CHID1: variants seen among roughly 807,000 people sequenced by gnomAD.
CHID1 encodes chitinase domain containing 1.
CHID1 carries 44 observed loss-of-function variants against 55.4 expected under a neutral mutation model. The observed-to-expected ratio is 0.79, with a 90% CI of 0.62 to 1.02. CHID1 has a LOEUF of 1.02. Ranked by LOEUF, CHID1 falls within the 50% of genes least tolerant of loss-of-function variation. The pLI, the probability that CHID1 is intolerant of heterozygous loss-of-function variation, is 0.00. For synonymous variants in CHID1, 216 were observed against 212.9 expected (o/e 1.01, Z -0.13); for missense variants, 491 against 515.3 (o/e 0.95, Z 0.46).
At chr11:870,726 G>A (rs1376614424) in intron 10 of CHID1, 9 of 522,990 alleles carry the variant, frequency 1.7e-5, no homozygotes, top group Non-Finnish European at 2.1e-5. Context: ...TTCCTCGGAA[G>A]AAGCCACCCC....
At chr11:892,959 G>C (rs1018076720) in intron 8 of CHID1, among the ~76,000 whole-genome samples, 2 of 152,220 alleles carry the variant, frequency 1.3e-5, no homozygotes, top group Admixed American at 1.3e-4. Flanking sequence ...TGGGTTTGGG[G>C]GTGCACCCAA....
chr11:896,196 GCACCCCCAGCC>G, intron 7 of CHID1, among the ~76,000 whole-genome samples: 1 of 131,026 alleles, frequency 7.6e-6, no homozygotes, highest in African/African-American at 3.1e-5. Context: ...GGCTGTCTCA[GCACCCCCAGCC>G]TCCACCCCAG....
At chr11:908,843 T>G (rs987691594) in intron 1 of CHID1, among the ~76,000 whole-genome samples, 1 of 151,968 alleles carries the variant, frequency 6.6e-6, no homozygotes, top group African/African-American at 2.4e-5. Context: ...GCCTATGACC[T>G]CCCTGCCCCC....
intron 10 of CHID1, among the ~76,000 whole-genome samples, chr11:873,517 G>C (rs1849308339): frequency 6.6e-6 from 1 of 152,134 alleles, no homozygotes; most frequent in Non-Finnish European, 1.5e-5. Flanking sequence ...GGGCCACAGA[G>C]AGGGCAGGGG....
Position 876,148 on chromosome 11 carries a change from G to T in CHID1, c.960-5649C>A, listed in dbSNP as rs148628888. 2.7e-3 allele frequency among the ~76,000 whole-genome samples: 412 copies of T among 152,264 alleles called. 3 individuals carry two copies. The highest frequency in any genetic ancestry group is 9.6e-3 in the African/African-American group (398 of 41,524). ...ATGTCGCCAGAGCTCAGCAGGAGCC[G>T]GCACAGGTGCAAGGACAGATAAGCC... On this transcript the variant is annotated intron_variant, in intron 10 of 12. Coordinates refer to ENST00000323578, the MANE Select transcript of CHID1 (RefSeq NM_023947.4).
Position 876,148 on chromosome 11 carries a change from G to C in CHID1, c.960-5649C>G, listed in dbSNP as rs148628888. 1.3e-5 allele frequency among the ~76,000 whole-genome samples: 2 copies of C among 152,148 alleles called. 1 individual carries two copies. Among genetic ancestry groups the C allele is most frequent in the South Asian group, 4.1e-4 (2 of 4,832 alleles). ...ATGTCGCCAGAGCTCAGCAGGAGCC[G>C]GCACAGGTGCAAGGACAGATAAGCC... On this transcript the variant is annotated intron_variant, in intron 10 of 12. Transcript: ENST00000323578.
At position 869,698 on chromosome 11, in the gene CHID1, C is replaced by G; in HGVS notation, c.*160G>C. ...TAGGACTCATCCAGGGCAGGGACCC[C>G]TCATGGGAGGATGGGGAGTCACATG... On this transcript the variant is annotated 3_prime_UTR_variant, in exon 13 of 13. Coordinates refer to ENST00000323578, the MANE Select transcript of CHID1 (RefSeq NM_023947.4). 1.5e-6 allele frequency: 1 copy of G among 673,202 alleles called. No homozygotes were observed. The highest frequency in any genetic ancestry group is 2.6e-6 in the Non-Finnish European group (1 of 382,596). The allele number at this position is 673,202 out of a possible 1,614,324, so 41.7% of individuals were successfully genotyped here.
At chr11:912,526 A>G (rs910743461), upstream of CHID1, among the ~76,000 whole-genome samples, 1 of 151,972 alleles carries the variant, frequency 6.6e-6, no homozygotes, top group South Asian at 2.1e-4. Context: ...GTTTGTGCCA[A>G]TGGGCCCCGT....
chr11:903,812 C>A, intron 2 of CHID1: 1 of 195,490 alleles, frequency 5.1e-6, no homozygotes, highest in South Asian at 6.1e-5. Context: ...ATGCCAGGCA[C>A]ACGCCACCAT....
chr11:909,252 C>A (rs983276548), intron 1 of CHID1, among the ~76,000 whole-genome samples: 1 of 152,184 alleles, frequency 6.6e-6, no homozygotes, highest in African/African-American at 2.4e-5. Context: ...AACACAGACT[C>A]CCAGGTTCAC....
intron 11 of CHID1, 55 bp from the exon 12 acceptor site, chr11:870,218 C>T: frequency 1.2e-6 from 2 of 1,608,164 alleles, no homozygotes; most frequent in East Asian, 4.5e-5. Context: ...AGGCCTCCTC[C>T]CCTCACAGCC....
intron 8 of CHID1, among the ~76,000 whole-genome samples, chr11:886,749 C>T (rs1462368707): frequency 6.6e-6 from 1 of 152,226 alleles, no homozygotes; most frequent in Non-Finnish European, 1.5e-5. Context: ...CCAGGTGGCA[C>T]CTTGGCCCCT....
At chr11:872,527 T>G (rs1849247208) in intron 10 of CHID1, among the ~76,000 whole-genome samples, 1 of 152,178 alleles carries the variant, frequency 6.6e-6, no homozygotes, top group African/African-American at 2.4e-5. Context: ...GGAAAAGGAC[T>G]GCTGGACCCC....
intron 8 of CHID1, among the ~76,000 whole-genome samples, chr11:890,897 C>G (rs2134230419): frequency 6.6e-6 from 1 of 152,266 alleles, no homozygotes; most frequent in East Asian, 1.9e-4. Context: ...CTGGGGTGCC[C>G]CTCCCCGCAG....
intron 1 of CHID1, chr11:908,762 G>A: frequency 4.6e-6 from 1 of 215,446 alleles, no homozygotes; most frequent in Non-Finnish European, 7.9e-6. Context: ...TATAGGGCTG[G>A]GTCTCTGCCC....
upstream of CHID1, among the ~76,000 whole-genome samples, chr11:912,368 A>C (rs1364265491): frequency 6.6e-6 from 1 of 152,188 alleles, no homozygotes; most frequent in Non-Finnish European, 1.5e-5. Flanking sequence ...TCTGGGCCAG[A>C]ACTACAGACC....
chr11:885,534 C>T (rs1231578711), intron 8 of CHID1, among the ~76,000 whole-genome samples: 2 of 152,116 alleles, frequency 1.3e-5, no homozygotes, highest in Non-Finnish European at 2.9e-5. Context: ...TCAGCCTCCC[C>T]AGATCCCCGA....
intron 10 of CHID1, 31 bp downstream of exon 10, chr11:883,117 T>C: frequency 2.5e-6 from 4 of 1,598,258 alleles, no homozygotes; most frequent in Non-Finnish European, 3.4e-6. Context: ...CAGTGACACC[T>C]TCAGCACGGC....
In CHID1 at chr11:868,288, G is replaced by A. The variant is rs1227107797; in HGVS notation, c.*1570C>T. Reference sequence around the variant, plus strand: ...GGCAGCTTGTGTTTTTTTAGACAAGGTTTTTGGAGTGCAGTCGGTCACAGC... The same window carrying A: ...GGCAGCTTGTGTTTTTTTAGACAAGATTTTTGGAGTGCAGTCGGTCACAGC... On this transcript the variant is annotated 3_prime_UTR_variant, in exon 13 of 13. Coordinates refer to ENST00000323578, the MANE Select transcript of CHID1 (RefSeq NM_023947.4). The A allele has an allele frequency of 1.3e-5, 2 of 152,022 alleles. No homozygotes were observed. The highest frequency in any genetic ancestry group is 4.8e-5 in the African/African-American group (2 of 41,354). The allele number at this position is 152,022 out of a possible 1,614,324, so 9.4% of individuals were successfully genotyped here. A position where few individuals can be genotyped will look rare whatever the true frequency, so the allele number is the denominator to read the frequency against.
Sources: allele counts gnomAD v4.1 joint callset (sites outside exome capture counted in the v4.1 genomes callset), GRCh38; gene constraint gnomAD v4.1.1; transcripts MANE v1.5; gene names NCBI Gene and HGNC (gene_info 2026-07-23, HGNC 2026-07-21).